Variants in C22orf31 observed in about 807,000 individuals in gnomAD.
C22orf31 encodes the protein chromosome 22 open reading frame 31.
Under a neutral mutation model 15.0 loss-of-function variants are expected in C22orf31, and 11 were observed. The observed-to-expected ratio is 0.73, with a 90% CI of 0.46 to 1.21. The LOEUF (loss-of-function observed/expected upper bound fraction) is 1.21. Ranked by LOEUF, C22orf31 falls within the 50% of genes most tolerant of loss-of-function variation. The probability of loss-of-function intolerance (pLI) is 0.00; values close to 1 mark genes in which losing one functional copy is unlikely to be tolerated. For missense variants in C22orf31, 340 were observed against 347.2 expected (o/e 0.98, Z 0.17); for synonymous variants, 132 against 133.3 (o/e 0.99, Z 0.07).
At chr22:29,066,659 C>G (rs952650000), upstream of C22orf31, among the ~76,000 whole-genome samples, 1 of 143,100 alleles carries the variant, frequency 7.0e-6, no homozygotes, top group South Asian at 2.3e-4. Context: ...CTCCTGGGTT[C>G]AAGCAATTCT....
chr22:29,059,469 G>T (rs912943177), intron 2 of C22orf31, among the ~76,000 whole-genome samples: 4 of 152,210 alleles, frequency 2.6e-5, no homozygotes, highest in Non-Finnish European at 4.4e-5. Flanking sequence ...TGCCACGCAA[G>T]ATCCTAATTA....
At chr22:29,061,453 A>G (rs1038555883) in intron 1 of C22orf31, among the ~76,000 whole-genome samples, 1 of 152,024 alleles carries the variant, frequency 6.6e-6, no homozygotes, top group Non-Finnish European at 1.5e-5. Context: ...TTTAGTAGAG[A>G]CAGGGTTTCT....
the C22orf31 span, chr22:29,073,350 C>A: frequency 7.8e-6 from 2 of 257,674 alleles, no homozygotes; most frequent in East Asian, 1.9e-4. This position sits in a 1 kb window ranked among gnomAD's most constrained non-coding sequence, Gnocchi z 4.4. Flanking sequence ...CTTCCCCTCG[C>A]CCCTAGGCGA....
Position 29,058,833 on chromosome 22 carries a change from G to GCCTT in C22orf31, c.781_782insAAGG (p.Ala261GlufsTer?). 1 of 1,614,032 alleles carries GCCTT rather than the reference G, an allele frequency of 6.2e-7. No individual in the cohort carries two copies. Among genetic ancestry groups the GCCTT allele is most frequent in the Non-Finnish European group, 8.5e-7 (1 of 1,179,914 alleles). ...CCTGCCAGGGAACCGGTCCCTCTGA[G>GCCTT]CACCTTCAGAGATGGCACCCTGACT... is the stretch of plus-strand genomic sequence containing the variant. On this transcript the variant is annotated frameshift_variant, in exon 3 of 3. Transcript: ENST00000216071. LOFTEE classifies it low-confidence loss of function (END_TRUNC).
chr22:29,061,085 G>A (rs970530816), intron 1 of C22orf31, among the ~76,000 whole-genome samples: 23 of 152,186 alleles, frequency 1.5e-4, no homozygotes, highest in African/African-American at 5.5e-4. Flanking sequence ...AGCATGCCAG[G>A]GCAGGAAGTC....
chr22:29,058,673 A>G lies in C22orf31; in HGVS notation c.*69T>C. 8.1e-7 allele frequency: 1 copy of G among 1,231,936 alleles called. No homozygotes were observed. Among genetic ancestry groups the G allele is most frequent in the Non-Finnish European group, 1.1e-6 (1 of 872,574 alleles). The allele number at this position is 1,231,936 out of a possible 1,614,324, so 76.3% of individuals were successfully genotyped here. A position where few individuals can be genotyped will look rare whatever the true frequency, so the allele number is the denominator to read the frequency against. On this transcript the variant is annotated 3_prime_UTR_variant, in exon 3 of 3. Coordinates refer to ENST00000216071, the MANE Select transcript of C22orf31 (RefSeq NM_015370.2). Reference sequence around the variant, plus strand: ...TGTAAAGCACTCTGCGATAACACGGAAGGTGCAAAGTTGTGTTTATTTTTC... The same window carrying G: ...TGTAAAGCACTCTGCGATAACACGGGAGGTGCAAAGTTGTGTTTATTTTTC...
intron 1 of C22orf31, 94 bp downstream of exon 1, chr22:29,061,686 GGACCAACTAA>G: frequency 1.2e-6 from 1 of 837,524 alleles, no homozygotes; most frequent in Admixed American, 2.6e-5. Flanking sequence ...CCATTTCCTG[GGACCAACTAA>G]GAGCAACAGA....
At chr22:29,068,028 T>G in the C22orf31 span, among the ~76,000 whole-genome samples, 1 of 151,206 alleles carries the variant, frequency 6.6e-6, no homozygotes, top group Non-Finnish European at 1.5e-5. Context: ...GTGCCATGAT[T>G]GTGAATAGTC....
upstream of C22orf31, among the ~76,000 whole-genome samples, chr22:29,065,618 C>T (rs994148148): frequency 5.3e-5 from 8 of 152,160 alleles, no homozygotes; most frequent in African/African-American, 1.7e-4. Context: ...TCAGAATATT[C>T]TATGCTTTGT....
intron 2 of C22orf31, chr22:29,059,985 G>A: frequency 1.0e-6 from 1 of 968,974 alleles, no homozygotes; most frequent in Non-Finnish European, 1.2e-6. Context: ...TCAACTTTAG[G>A]ATTTCCTTCA....
chr22:29,058,811 G>A lies in C22orf31; in HGVS notation c.804C>T (p.Gly268=). Residue 268 remains glycine (G), a synonymous_variant, in exon 3 of 3, where the codon GGC becomes GGT. Transcript: ENST00000216071. ...SEGAQRDRFP[G]RKQPGVHEEP... is the part of the protein sequence containing the mutation. ...CCTCGTGGACACCTGGCTGCTTCCT[G>A]CCAGGGAACCGGTCCCTCTGAGCAC... is the stretch of plus-strand genomic sequence containing the variant. 1.9e-6 allele frequency: 3 copies of A among 1,614,130 alleles called. No homozygotes were observed. Among genetic ancestry groups the A allele is most frequent in the Non-Finnish European group, 2.5e-6 (3 of 1,180,020 alleles).
chr22:29,061,896 T>A, upstream of C22orf31: 2 of 965,128 alleles, frequency 2.1e-6, no homozygotes, highest in Non-Finnish European at 3.1e-6. Context: ...GTTTTTGTTT[T>A]AATATTTCTA....
chr22:29,066,159 T>C (rs2037428109), upstream of C22orf31, among the ~76,000 whole-genome samples: 1 of 152,196 alleles, frequency 6.6e-6, no homozygotes, highest in African/African-American at 2.4e-5. Flanking sequence ...ATTGAGTCAA[T>C]TTCTATTAAT....
upstream of C22orf31, among the ~76,000 whole-genome samples, chr22:29,064,443 C>A (rs2037415223): frequency 6.6e-6 from 1 of 152,170 alleles, no homozygotes; most frequent in African/African-American, 2.4e-5. Flanking sequence ...TGAAGTGGGA[C>A]AATGCATCTG....
chr22:29,071,920 T>C, the C22orf31 span, among the ~76,000 whole-genome samples: 1 of 152,218 alleles, frequency 6.6e-6, no homozygotes. Flanking sequence ...CTTGCTTCTA[T>C]CTCATCGAAT....
rs374309411 is a variant in C22orf31, at chr22:29,058,944, A to G, written c.671T>C (p.Met224Thr). The change falls in exon 3 of 3, where the codon ATG (methionine) becomes ACG (threonine). Residue 224 changes from methionine (M) to threonine (T), a missense_variant. Physicochemically the swap from Met to Thr is moderately conservative, Grantham distance 81. Transcript: ENST00000216071. ...QALYHAVVEP[M>T]LWNPSGTPKR... is the part of the protein sequence containing the mutation. ...GGGGGTCCCTGAAGGATTCCACAGC[A>G]TTGGCTCCACCACAGCGTGGTACAG... The G allele has an allele frequency of 1.6e-5, 26 of 1,614,000 alleles. No homozygotes were observed. The highest frequency in any genetic ancestry group is 1.0e-4 in the Admixed American group (6 of 60,004).
rs755190361 is a variant in C22orf31, at chr22:29,060,780, A to C, written c.67T>G (p.Leu23Val). 17 of 1,614,094 alleles carry C rather than the reference A, an allele frequency of 1.1e-5. No homozygotes were observed. The African/African-American group carries it at 2.0e-4, about 19-fold the overall frequency. The change falls in exon 2 of 3, where the codon TTA becomes GTA. Residue 23 changes from leucine (L) to valine (V), a missense_variant. Physicochemically the swap from Leu to Val is conservative, Grantham distance 32. Transcript: ENST00000216071. ...TAGCAGTCCTGAAGCCTGGTATTTA[A>C]TAAGATGGACTGTCGGAGTCCATAG... ...PIYGLRQSILLNTRLQDCYVD... is the reference protein window; with the variant it reads ...PIYGLRQSILVNTRLQDCYVD...
At chr22:29,067,302 C>A in the C22orf31 span, among the ~76,000 whole-genome samples, 1 of 151,394 alleles carries the variant, frequency 6.6e-6, no homozygotes, top group South Asian at 2.1e-4. Context: ...TTCTAAAAAT[C>A]CTCTTAAACT....
chr22:29,060,021 C>CTTTTTTTTTTTTTTTTTT (rs60208241), intron 2 of C22orf31: 1 of 513,144 alleles, frequency 1.9e-6, no homozygotes. Flanking sequence ...TTTTTCTTTT[C>CTTTTTTTTTTTTTTTTTT]TTTTTTTTTT....
Sources: gnomAD v4.1 joint callset for allele counts (sites outside exome capture counted in the v4.1 genomes callset) on GRCh38, gnomAD v4.1.1 for gene constraint, Gnocchi (gnomAD v3.1) non-coding constraint, MANE v1.5 for transcripts, NCBI Gene and HGNC (gene_info 2026-07-23, HGNC 2026-07-21) for gene names.